ERRFI1: variants seen among roughly 807,000 people sequenced by gnomAD.
ERRFI1 encodes ERBB receptor feedback inhibitor 1.
In ERRFI1, 12 loss-of-function variants were observed where a neutral mutation model predicts 14.6. The observed-to-expected ratio is 0.82, with a 90% CI of 0.53 to 1.33. The LOEUF (loss-of-function observed/expected upper bound fraction) is 1.33. Ranked by LOEUF, ERRFI1 falls within the 40% of genes most tolerant of loss-of-function variation. The pLI is 0.00. For missense variants in ERRFI1, 482 were observed against 572.1 expected (o/e 0.84, Z 1.61); for synonymous variants, 202 against 209.9 (o/e 0.96, Z 0.32).
At chr1:8,023,102 G>C (rs912446243) in intron 1 of ERRFI1, among the ~76,000 whole-genome samples, 2 of 152,184 alleles carry the variant, frequency 1.3e-5, no homozygotes, top group African/African-American at 4.8e-5. Context: ...GCCCTGATAA[G>C]AGTCAGAAGA....
intron 1 of ERRFI1, among the ~76,000 whole-genome samples, chr1:8,016,677 G>A (rs1055336385): frequency 3.9e-5 from 6 of 152,114 alleles, no homozygotes; most frequent in Admixed American, 2.0e-4. Flanking sequence ...TATAAGTTTA[G>A]GTTTTTTTCC....
intron 1 of ERRFI1, 32 bp from the exon 2 acceptor site, chr1:8,015,724 A>T (rs182702384): frequency 2.3e-5 from 33 of 1,438,436 alleles, no homozygotes; most frequent in Admixed American, 2.1e-4. Context: ...AGAATAAAGA[A>T]AACAATTCAG....
At chr1:8,022,311 A>C (rs1251855623) in intron 1 of ERRFI1, among the ~76,000 whole-genome samples, 1 of 152,180 alleles carries the variant, frequency 6.6e-6, no homozygotes, top group East Asian at 1.9e-4. Context: ...GCCTCCTTTT[A>C]ACATGCTTTC....
intron 3 of ERRFI1, 50 bp downstream of exon 3, chr1:8,015,258 A>G: frequency 6.5e-7 from 1 of 1,542,370 alleles, no homozygotes; most frequent in Non-Finnish European, 9.0e-7. Flanking sequence ...ACCCGAATCC[A>G]GACTGTTCTT....
rs1641219678 is a variant in ERRFI1, at chr1:8,018,371, GGCGGGGGGGGGGGGGGC to G, written c.-73-2696_-73-2680del. Among the ~76,000 whole-genome samples the G allele has an allele frequency of 2.9e-5, 2 of 68,592 alleles. 1 individual carries two copies. Among genetic ancestry groups the G allele is most frequent in the African/African-American group, 1.4e-4 (2 of 14,132 alleles). 45.0% of individuals were successfully genotyped at this position (68,592 alleles called of 152,430 possible). On this transcript the variant is annotated intron_variant, in intron 1 of 3. Transcript: ENST00000377482. ...GTATTCAGCACAAATGGAAGCGGGG[GGCGGGGGGGGGGGGGGC>G]GCGGAGTAAATAAATCCATTTTACC... is the stretch of plus-strand genomic sequence containing the variant.
At chr1:8,023,765 ATTG>A (rs1336373156) in intron 1 of ERRFI1, among the ~76,000 whole-genome samples, 1 of 152,186 alleles carries the variant, frequency 6.6e-6, no homozygotes, top group Non-Finnish European at 1.5e-5. Context: ...CTTAAAACTA[ATTG>A]TTAAGGTAGT....
intron 1 of ERRFI1, among the ~76,000 whole-genome samples, chr1:8,018,373 CGGGGGGGGGG>C (rs745503634): frequency 6.3e-5 from 3 of 47,972 alleles, no homozygotes; most frequent in Non-Finnish European, 9.4e-5. Context: ...AAGCGGGGGG[CGGGGGGGGGG>C]GGGGCGCGGA....
chr1:8,013,883 G>A lies in ERRFI1; in HGVS notation c.716C>T (p.Pro239Leu), dbSNP rs116791613. The part of the protein sequence containing the change: ...NGGVPDPNPP[P>L]PQTHRRLRRS... ...TCTTAATCTTCGGTGGGTCTGAGGTGGAGGAGGATTTGGATCTGGGACACC... is the reference window on the plus strand; with the variant it reads ...TCTTAATCTTCGGTGGGTCTGAGGTAGAGGAGGATTTGGATCTGGGACACC... The change falls in exon 4 of 4, where the codon CCA becomes CTA. Residue 239 changes from proline (P) to leucine (L), a missense_variant. Coordinates refer to ENST00000377482, the MANE Select transcript of ERRFI1 (RefSeq NM_018948.4). This position sits in a 1 kb window ranked among gnomAD's most constrained non-coding sequence, Gnocchi z 4.3. 7.2e-4 allele frequency: 1,162 copies of A among 1,614,102 alleles called. 4 individuals are homozygous for A. The African/African-American group carries it at 0.013, about 18-fold the overall frequency.
chr1:8,011,941 T>G lies in ERRFI1; in HGVS notation c.*1269A>C, dbSNP rs1641090357. The G allele has an allele frequency of 4.4e-6, 1 of 227,458 alleles. No homozygotes were observed. Among genetic ancestry groups the G allele is most frequent in the Non-Finnish European group, 8.8e-6 (1 of 114,262 alleles). The allele number at this position is 227,458 out of a possible 1,614,324, so 14.1% of individuals were successfully genotyped here. A position where few individuals can be genotyped will look rare whatever the true frequency, so the allele number is the denominator to read the frequency against. ...TCAGCAGTTTAAACTGTAAACAGCTTGTTTAACTGTTAAGAGAACATTGCA... is the reference window on the plus strand; with the variant it reads ...TCAGCAGTTTAAACTGTAAACAGCTGGTTTAACTGTTAAGAGAACATTGCA... On this transcript the variant is annotated 3_prime_UTR_variant, in exon 4 of 4. Transcript: ENST00000377482.
Position 8,013,616 on chromosome 1 carries a change from C to G in ERRFI1, c.983G>C (p.Ser328Thr), listed in dbSNP as rs537328516. The G allele has an allele frequency of 9.3e-6, 15 of 1,614,080 alleles. No individual in the cohort carries two copies. The Admixed American group carries it at 1.2e-4, about 13-fold the overall frequency. ...TTTGGGACTCGGTGTGCGCGAGTTA[C>G]TCGGTGACAAAGGTTCTCTTGGCGG... is the stretch of plus-strand genomic sequence containing the variant. ...KVPPREPLSP[S>T]NSRTPSPKSL... Residue 328 changes from serine (S) to threonine (T), a missense_variant, in exon 4 of 4, where the codon AGT (serine) becomes ACT (threonine). Transcript: ENST00000377482. This position sits in a 1 kb window ranked among gnomAD's most constrained non-coding sequence, Gnocchi z 4.3.
At chr1:8,021,965 T>C (rs1413572844) in intron 1 of ERRFI1, among the ~76,000 whole-genome samples, 1 of 152,210 alleles carries the variant, frequency 6.6e-6, no homozygotes, top group Non-Finnish European at 1.5e-5. Context: ...ACTGCTCAAC[T>C]TGTAAGGGTA....
In ERRFI1 at chr1:8,012,741, A is replaced by G; in HGVS notation, c.*469T>C. The G allele has an allele frequency of 4.3e-6, 1 of 231,044 alleles. No individual in the cohort carries two copies. 14.3% of individuals were successfully genotyped at this position (231,044 alleles called of 1,614,324 possible). The stretch of plus-strand genomic sequence containing the variant: ...AAGCCAGAAATCTTCAAACTTACTA[A>G]ACAAAAATATTTTTTAATGATTCTG... On this transcript the variant is annotated 3_prime_UTR_variant, in exon 4 of 4. Transcript: ENST00000377482.
rs141040294 is a variant in ERRFI1, at chr1:8,014,040, T to G, written c.559A>C (p.Thr187Pro). ...ACATCATATTTGAAATCAGAAAGTGTAGAGTCTTCTAAAAGGAAGTCTGTA... is the reference window on the plus strand; with the variant it reads ...ACATCATATTTGAAATCAGAAAGTGGAGAGTCTTCTAAAAGGAAGTCTGTA... ...SDTDFLLEDS[T>P]LSDFKYDVPG... The change falls in exon 4 of 4, where the codon ACA (threonine) becomes CCA (proline). Residue 187 changes from threonine to proline, a missense_variant. Coordinates refer to ENST00000377482, the MANE Select transcript of ERRFI1 (RefSeq NM_018948.4). The G allele has an allele frequency of 6.2e-7, 1 of 1,614,150 alleles. No homozygotes were observed. Among genetic ancestry groups the G allele is most frequent in the South Asian group, 1.1e-5 (1 of 91,084 alleles).
intron 1 of ERRFI1, among the ~76,000 whole-genome samples, chr1:8,017,181 CA>C (rs763889023): frequency 1.3e-5 from 2 of 151,530 alleles, no homozygotes; most frequent in Non-Finnish European, 2.9e-5. Context: ...AAATACTCTG[CA>C]AGTGTTTATT....
Position 8,013,651 on chromosome 1 carries a change from A to G in ERRFI1, c.948T>C (p.Pro316=), listed in dbSNP as rs758862837. 3.1e-6 allele frequency: 5 copies of G among 1,613,952 alleles called. No individual in the cohort carries two copies. The African/African-American group carries it at 4.0e-5, about 13-fold the overall frequency. ...TSSTYSDEDR[P]PKVPPREPLS... is the part of the protein sequence containing the mutation. ...AAGGTTCTCTTGGCGGTACTTTGGG[A>G]GGCCTGTCTTCATCACTATAGGTGC... is the stretch of plus-strand genomic sequence containing the variant. Residue 316 remains proline (P), a synonymous_variant, in exon 4 of 4, where the codon CCT becomes CCC. Coordinates refer to ENST00000377482, the MANE Select transcript of ERRFI1 (RefSeq NM_018948.4). This position sits in a 1 kb window ranked among gnomAD's most constrained non-coding sequence, Gnocchi z 4.3.
chr1:8,013,127 A>G lies in ERRFI1; in HGVS notation c.*83T>C, dbSNP rs1409681737. 2.5e-5 allele frequency: 31 copies of G among 1,224,170 alleles called. No individual in the cohort carries two copies. Among genetic ancestry groups the G allele is most frequent in the Non-Finnish European group, 3.4e-5 (30 of 874,122 alleles). The allele number at this position is 1,224,170 out of a possible 1,614,324, so 75.8% of individuals were successfully genotyped here. A position where few individuals can be genotyped will look rare whatever the true frequency, so the allele number is the denominator to read the frequency against. On this transcript the variant is annotated 3_prime_UTR_variant, in exon 4 of 4. Coordinates refer to ENST00000377482, the MANE Select transcript of ERRFI1 (RefSeq NM_018948.4). The surrounding 1 kb of genome is among the most constrained non-coding windows in gnomAD (Gnocchi z 4.3). Reference sequence around the variant, plus strand: ...ACTATTTTATTTTGCAATCTAAGGGATTTTTCTCTGCACTTCAATCAAACT... The same window carrying G: ...ACTATTTTATTTTGCAATCTAAGGGGTTTTTCTCTGCACTTCAATCAAACT...
intron 1 of ERRFI1, among the ~76,000 whole-genome samples, chr1:8,016,669 T>TA (rs1641178304): frequency 1.3e-5 from 2 of 152,210 alleles, no homozygotes; most frequent in Non-Finnish European, 2.9e-5. Context: ...AGTTTATTTA[T>TA]AAGTTTAGGT....
chr1:8,023,962 A>G (rs1641309338), intron 1 of ERRFI1, among the ~76,000 whole-genome samples: 1 of 152,204 alleles, frequency 6.6e-6, no homozygotes, highest in Non-Finnish European at 1.5e-5. Context: ...GATCCAGATG[A>G]TGAGGTACCA....
rs184832811 is a variant in ERRFI1, at chr1:8,024,614, T to G, written c.-74+1544A>C. 2.0e-5 allele frequency among the ~76,000 whole-genome samples: 3 copies of G among 152,352 alleles called. No homozygotes were observed. The East Asian group carries it at 5.8e-4, about 29-fold the overall frequency. On this transcript the variant is annotated intron_variant, in intron 1 of 3. Coordinates refer to ENST00000377482, the MANE Select transcript of ERRFI1 (RefSeq NM_018948.4). ...AGTCTAAGACCTCTATCACTTATTA[T>G]CGAGTGTCCCCTGGAACACACAGGT...
Sources: allele counts gnomAD v4.1 joint callset (sites outside exome capture counted in the v4.1 genomes callset), GRCh38; gene constraint gnomAD v4.1.1; non-coding constraint Gnocchi (gnomAD v3.1); transcripts MANE v1.5; gene names NCBI Gene and HGNC (gene_info 2026-07-23, HGNC 2026-07-21).